Variants in ACACB observed in about 807,000 individuals in gnomAD.
ACACB encodes acetyl-CoA carboxylase 2.
ACACB carries 209 observed loss-of-function variants against 278.8 expected under a neutral mutation model. That is an observed-to-expected ratio of 0.75 (90% CI 0.67 to 0.84). ACACB has a LOEUF of 0.84. Among genes scored for constraint, ACACB ranks in the 40% least tolerant of loss-of-function variants. The pLI, the probability that ACACB is intolerant of heterozygous loss-of-function variation, is 0.00. For missense variants in ACACB, 2,850 were observed against 3,269.0 expected (o/e 0.87, Z 3.13); for synonymous variants, 1,174 against 1,285.6 (o/e 0.91, Z 1.86).
chr12:109,244,683 C>T (rs1296762620), intron 37 of ACACB, among the ~76,000 whole-genome samples: 1 of 152,044 alleles, frequency 6.6e-6, no homozygotes, highest in Non-Finnish European at 1.5e-5. Flanking sequence ...GTCTCAAACT[C>T]CCGGCCTCAG....
intron 34 of ACACB, 127 bp downstream of exon 34, chr12:109,237,507 C>T: frequency 1.0e-6 from 1 of 990,398 alleles, no homozygotes; most frequent in Non-Finnish European, 1.5e-6. Flanking sequence ...AGGGTCCTGC[C>T]CTTGCTATGC....
intron 18 of ACACB, among the ~76,000 whole-genome samples, chr12:109,200,752 C>T (rs1278771305): frequency 5.3e-5 from 8 of 152,092 alleles, no homozygotes; most frequent in Non-Finnish European, 1.0e-4. Context: ...GATTCAAACC[C>T]GGAAAATAAC....
chr12:109,147,968 G>A (rs373939252), intron 2 of ACACB, among the ~76,000 whole-genome samples: 13 of 152,026 alleles, frequency 8.6e-5, no homozygotes, highest in African/African-American at 2.9e-4. Context: ...CTAGTTCTGG[G>A]GTGAAACTCC....
Position 109,140,215 on chromosome 12 carries a change from TTTCC to T in ACACB, c.653+194_653+197del, listed in dbSNP as rs757132750. ...GAGAAGACACGAGCCTTCTCAGAAG[TTTCC>T]TTCCTTCCTTCCTTCCTTCCTTCCT... On this transcript the variant is annotated intron_variant, in intron 2 of 52. Transcript: ENST00000338432. 3.2e-3 allele frequency among the ~76,000 whole-genome samples: 459 copies of T among 145,466 alleles called. 8 individuals are homozygous for T. The highest frequency in any genetic ancestry group is 0.019 in the South Asian group (87 of 4,694).
intron 24 of ACACB, among the ~76,000 whole-genome samples, chr12:109,222,080 A>T (rs2046183296): frequency 6.6e-6 from 1 of 151,094 alleles, no homozygotes; most frequent in African/African-American, 2.4e-5. Context: ...TTTTGTAGAG[A>T]CAAGGTTTTG....
At chr12:109,222,672 A>G (rs1325250498) in intron 25 of ACACB, 52 bp downstream of exon 25, 6 of 1,545,572 alleles carry the variant, frequency 3.9e-6, no homozygotes, top group South Asian at 3.4e-5. Context: ...CCACCCTCCT[A>G]TGTGTCCCCT....
upstream of ACACB, among the ~76,000 whole-genome samples, chr12:109,111,805 C>G (rs1465891690): frequency 3.3e-5 from 5 of 152,168 alleles, no homozygotes; most frequent in African/African-American, 1.2e-4. Flanking sequence ...CTAGCAAATG[C>G]ATTTCTTAAA....
intron 2 of ACACB, among the ~76,000 whole-genome samples, chr12:109,156,560 T>C (rs1278207241): frequency 6.7e-6 from 1 of 148,322 alleles, no homozygotes; most frequent in African/African-American, 2.5e-5. Flanking sequence ...CCCCTATAAG[T>C]AGCGGATATT....
intron 31 of ACACB, among the ~76,000 whole-genome samples, chr12:109,234,799 G>A (rs948445918): frequency 1.1e-4 from 17 of 151,928 alleles, no homozygotes; most frequent in African/African-American, 3.4e-4. Flanking sequence ...GGGGCCTGTC[G>A]GGGGGTGGGG....
At chr12:109,230,022 T>G (rs539724733) in intron 28 of ACACB, among the ~76,000 whole-genome samples, 35 of 152,352 alleles carry the variant, frequency 2.3e-4, no homozygotes, top group Non-Finnish European at 4.0e-4. Flanking sequence ...TTAGTTCTTA[T>G]GGGGGTGCCC....
chr12:109,201,235 A>G (rs1018223531), intron 18 of ACACB, among the ~76,000 whole-genome samples: 2 of 152,258 alleles, frequency 1.3e-5, no homozygotes, highest in African/African-American at 2.4e-5. Flanking sequence ...GAACGTGTAT[A>G]TGAACCACTC....
Position 109,264,344 on chromosome 12 carries a change from C to A in ACACB, c.6900C>A (p.Phe2300Leu). Residue 2300 changes from phenylalanine to leucine, a missense_variant, in exon 50 of 53, where the codon TTC (phenylalanine) becomes TTA (leucine). This residue lies in a region of ACACB where 579 missense variants were observed against 684.6 expected (regional missense o/e 0.85). Coordinates refer to ENST00000338432, the MANE Select transcript of ACACB (RefSeq NM_001093.4). ...AGGTGGCGGTGCAGTTCGCCGACTT[C>A]CATGACACACCCGGCCGGATGCTGG... The part of the protein sequence containing the change: ...YHQVAVQFAD[F>L]HDTPGRMLEK... The A allele has an allele frequency of 6.2e-7, 1 of 1,614,130 alleles. No homozygotes were observed. The highest frequency in any genetic ancestry group is 1.1e-5 in the South Asian group (1 of 91,070).
chr12:109,246,375 C>A lies in ACACB; in HGVS notation c.5498C>A (p.Ala1833Asp), dbSNP rs1227635489. The change falls in exon 39 of 53, where the codon GCC (alanine) becomes GAC (aspartate). Residue 1833 changes from alanine to aspartate, a missense_variant. Physicochemically the swap from Ala to Asp is moderately radical, Grantham distance 126. Around this residue, in one of 3 missense-constraint regions of ACACB, gnomAD observed 2,265 missense variants for 2,561.3 expected, o/e 0.88. Coordinates refer to ENST00000338432, the MANE Select transcript of ACACB (RefSeq NM_001093.4). Reference protein sequence around the residue: ...PKIYVAANSGARIGMAEEIKH... With the variant: ...PKIYVAANSGDRIGMAEEIKH... ...ATTTACGTGGCAGCCAACAGTGGCG[C>A]CCGTATTGGCATGGCAGAGGAGATC... is the stretch of plus-strand genomic sequence containing the variant. 6.2e-7 allele frequency: 1 copy of A among 1,613,456 alleles called. No individual in the cohort carries two copies. Among genetic ancestry groups the A allele is most frequent in the Non-Finnish European group, 8.5e-7 (1 of 1,179,926 alleles).
intron 22 of ACACB, among the ~76,000 whole-genome samples, chr12:109,214,092 A>G (rs1467087389): frequency 1.0e-5 from 1 of 99,110 alleles, no homozygotes; most frequent in Non-Finnish European, 2.3e-5. Flanking sequence ...CTGTCTCTAC[A>G]AAAAAAAAAG....
In ACACB at chr12:109,246,447, A is replaced by C. The variant is rs2046948290; in HGVS notation, c.5570A>C (p.Lys1857Thr). The C allele has an allele frequency of 6.2e-7, 1 of 1,608,308 alleles. No individual in the cohort carries two copies. Among genetic ancestry groups the C allele is most frequent in the African/African-American group, 1.3e-5 (1 of 74,758 alleles). The change falls in exon 39 of 53, where the codon AAA (lysine) becomes ACA (threonine). Residue 1857 changes from lysine to threonine, a missense_variant and splice_region_variant. Lys to Thr is a moderately conservative substitution (Grantham distance 78). Transcript: ENST00000338432. Reference protein sequence around the residue: ...VAWVDPEDPHKGFKYLYLTPQ... With the variant: ...VAWVDPEDPHTGFKYLYLTPQ... ...TGGGTGGACCCAGAAGACCCCCACA[A>C]AGTACGTCGTGAAACTGGCGGGGCA... is the stretch of plus-strand genomic sequence containing the variant.
intron 1 of ACACB, among the ~76,000 whole-genome samples, chr12:109,125,844 G>A (rs931407538): frequency 6.6e-6 from 1 of 152,220 alleles, no homozygotes; most frequent in East Asian, 1.9e-4. Context: ...GCACTGTGTC[G>A]CCCAGAGGGT....
intron 45 of ACACB, among the ~76,000 whole-genome samples, chr12:109,257,501 CT>C (rs1211039335): frequency 6.6e-6 from 1 of 152,114 alleles, no homozygotes; most frequent in Non-Finnish European, 1.5e-5. Flanking sequence ...TCCCTCAGCC[CT>C]TTCCAAGTGC....
intron 18 of ACACB, 110 bp from the exon 19 acceptor site, chr12:109,201,457 C>T (rs927406373): frequency 1.5e-5 from 20 of 1,294,228 alleles, no homozygotes; most frequent in East Asian, 4.7e-5. Flanking sequence ...CATTCTGGCG[C>T]GTCCCTGGGT....
At chr12:109,167,783 G>C in intron 3 of ACACB, 113 bp from the exon 4 acceptor site, 1 of 1,492,184 alleles carries the variant, frequency 6.7e-7, no homozygotes, top group South Asian at 1.2e-5. Flanking sequence ...GAGGAATGAT[G>C]TGCTGCGGGG....
Sources: allele counts gnomAD v4.1 joint callset (sites outside exome capture counted in the v4.1 genomes callset), GRCh38; gene constraint gnomAD v4.1.1; regional missense constraint gnomAD v4.1.1; transcripts MANE v1.5; gene names NCBI Gene and HGNC (gene_info 2026-07-23, HGNC 2026-07-21).